The following SYNPR variants were observed in gnomAD, a reference collection of about 807,000 sequenced individuals.
SYNPR encodes synaptoporin.
Under a neutral mutation model 32.9 loss-of-function variants are expected in SYNPR, and 23 were observed. That is an observed-to-expected ratio of 0.70 (90% CI 0.50 to 0.99). SYNPR has a LOEUF of 0.99. Ranked by LOEUF, SYNPR falls within the 50% of genes least tolerant of loss-of-function variation. The pLI, the probability that SYNPR is intolerant of heterozygous loss-of-function variation, is 0.00. For missense variants in SYNPR, 318 were observed against 349.3 expected (o/e 0.91, Z 0.71); for synonymous variants, 146 against 135.9 (o/e 1.07, Z -0.52).
chr3:63,368,302 G>C (rs898057600), intron 2 of SYNPR, among the ~76,000 whole-genome samples: 2 of 152,204 alleles, frequency 1.3e-5, no homozygotes, highest in African/African-American at 4.8e-5. Context: ...GTGACCAGTG[G>C]TAATGCCAGG....
chr3:63,568,307 G>C (rs950086076), intron 4 of SYNPR, among the ~76,000 whole-genome samples: 1 of 152,328 alleles, frequency 6.6e-6, no homozygotes. Flanking sequence ...GTGTGATCCA[G>C]AGACATGCTC....
intron 1 of SYNPR, among the ~76,000 whole-genome samples, chr3:63,243,038 G>A (rs538286936): frequency 6.6e-6 from 1 of 152,094 alleles, no homozygotes; most frequent in Admixed American, 6.5e-5. Flanking sequence ...GAATATGGAA[G>A]AGAAGAAAAA....
At chr3:63,559,554 C>CA (rs1430781419) in intron 4 of SYNPR, among the ~76,000 whole-genome samples, 1 of 151,944 alleles carries the variant, frequency 6.6e-6, no homozygotes, top group Non-Finnish European at 1.5e-5. Context: ...AACCTTAAAA[C>CA]AATAAATTTT....
At chr3:63,233,062 G>A (rs1307775030) in intron 1 of SYNPR, among the ~76,000 whole-genome samples, 1 of 152,080 alleles carries the variant, frequency 6.6e-6, no homozygotes, top group Non-Finnish European at 1.5e-5. Flanking sequence ...AGTAAGGAGA[G>A]TTCTGTTTAA....
chr3:63,280,271 T>C (rs1404314219), intron 2 of SYNPR, among the ~76,000 whole-genome samples: 1 of 152,188 alleles, frequency 6.6e-6, no homozygotes, highest in Non-Finnish European at 1.5e-5. Flanking sequence ...TAAAAAGGTG[T>C]TTGTTATCTG....
At chr3:63,554,051 C>G (rs906938259) in intron 3 of SYNPR, among the ~76,000 whole-genome samples, 1 of 152,126 alleles carries the variant, frequency 6.6e-6, no homozygotes, top group East Asian at 1.9e-4. Context: ...GTGTCTACAT[C>G]TTTTGCTCAT....
chr3:63,603,574 A>C (rs371849858), intron 4 of SYNPR, among the ~76,000 whole-genome samples: 38 of 152,204 alleles, frequency 2.5e-4, no homozygotes, highest in African/African-American at 7.2e-4. Context: ...ATTTTATTGG[A>C]AGCATTTTCT....
the SYNPR span, among the ~76,000 whole-genome samples, chr3:63,207,956 G>A: frequency 6.6e-6 from 1 of 152,182 alleles, no homozygotes; most frequent in Admixed American, 6.5e-5. Context: ...CCTCCTAGAA[G>A]AGTACTTCAA....
chr3:63,223,995 G>C (rs547445482), upstream of SYNPR, among the ~76,000 whole-genome samples: 2 of 152,174 alleles, frequency 1.3e-5, no homozygotes, highest in African/African-American at 4.8e-5. Context: ...AAGTGAATAA[G>C]ATATAGTCCT....
intron 2 of SYNPR, among the ~76,000 whole-genome samples, chr3:63,388,548 C>T (rs905697965): frequency 6.8e-5 from 7 of 102,212 alleles, no homozygotes; most frequent in East Asian, 6.7e-4. Context: ...CCACCACACC[C>T]GGCTAATTTG....
At chr3:63,256,491 G>C (rs1189911494) in intron 2 of SYNPR, among the ~76,000 whole-genome samples, 2 of 152,322 alleles carry the variant, frequency 1.3e-5, no homozygotes, top group South Asian at 4.1e-4. Context: ...AACTCCAACA[G>C]ACCCGCAGCT....
At chr3:63,292,066 G>A (rs530101581) in intron 2 of SYNPR, among the ~76,000 whole-genome samples, 2 of 152,250 alleles carry the variant, frequency 1.3e-5, no homozygotes, top group South Asian at 2.1e-4. Context: ...GTAAGCAGCT[G>A]TAACACAATG....
Position 63,411,525 on chromosome 3 carries a change from T to C in SYNPR, c.85-69307T>C, listed in dbSNP as rs906552624. ...ACTACAAACTGATAATAAAAGAAAG[T>C]TATATACACATAACGACCAAGTGTG... On this transcript the variant is annotated intron_variant, in intron 2 of 5. Transcript: ENST00000478300. 2.0e-5 allele frequency among the ~76,000 whole-genome samples: 3 copies of C among 152,146 alleles called. No homozygotes were observed. The East Asian group carries it at 5.8e-4, about 29-fold the overall frequency.
At chr3:63,344,822 G>A (rs1232454597) in intron 2 of SYNPR, among the ~76,000 whole-genome samples, 2 of 152,024 alleles carry the variant, frequency 1.3e-5, no homozygotes, top group Non-Finnish European at 2.9e-5. Context: ...GATGGGCAGG[G>A]GGCTGGTGAA....
chr3:63,231,094 C>A (rs961682992), intron 1 of SYNPR, among the ~76,000 whole-genome samples: 7 of 152,114 alleles, frequency 4.6e-5, no homozygotes, highest in Non-Finnish European at 1.0e-4. Flanking sequence ...ATGGAACCAA[C>A]CTAAGTGCCC....
chr3:63,525,219 T>G (rs1188895971), intron 3 of SYNPR, among the ~76,000 whole-genome samples: 1 of 152,270 alleles, frequency 6.6e-6, no homozygotes, highest in Non-Finnish European at 1.5e-5. Flanking sequence ...TCCTAAAAAC[T>G]TGAAACCCCT....
In SYNPR at chr3:63,357,048, A is replaced by T. The variant is rs146646874; in HGVS notation, c.84+78306A>T. The stretch of plus-strand genomic sequence containing the variant: ...GAATGCTCCACAGATGATGACAATA[A>T]TTATTACAAATCTTTGTTACTCTTT... On this transcript the variant is annotated intron_variant, in intron 2 of 5. Transcript: ENST00000478300. Among the ~76,000 whole-genome samples the T allele has an allele frequency of 7.1e-3, 1,085 of 152,316 alleles. 17 individuals are homozygous for T. The highest frequency in any genetic ancestry group is 0.024 in the African/African-American group (1,005 of 41,574).
chr3:63,274,150 G>A (rs923065748), upstream of SYNPR, among the ~76,000 whole-genome samples: 5 of 152,120 alleles, frequency 3.3e-5, no homozygotes, highest in Non-Finnish European at 5.9e-5. Flanking sequence ...CATAACATAC[G>A]GGTAGTGTTT....
intron 2 of SYNPR, among the ~76,000 whole-genome samples, chr3:63,416,300 G>A (rs756893328): frequency 6.6e-6 from 1 of 152,186 alleles, no homozygotes; most frequent in Non-Finnish European, 1.5e-5. Context: ...GGAGGCCAAG[G>A]AGGGTGGATC....
Sources: allele counts gnomAD v4.1 joint callset (sites outside exome capture counted in the v4.1 genomes callset), GRCh38; gene constraint gnomAD v4.1.1; transcripts MANE v1.5; gene names NCBI Gene and HGNC (gene_info 2026-07-23, HGNC 2026-07-21).